Variants in TNR observed in about 807,000 individuals in gnomAD.
The protein encoded by TNR is tenascin-R.
TNR carries 45 observed loss-of-function variants against 150.4 expected under a neutral mutation model. The ratio of observed to expected loss-of-function variants is 0.30; its 90% CI spans 0.24 to 0.38. The LOEUF is 0.38. Ranked by LOEUF, TNR falls within the 10% of genes least tolerant of loss-of-function variation. The pLI, the probability that TNR is intolerant of heterozygous loss-of-function variation, is 1.00. For missense variants in TNR, 1,544 were observed against 1,759.1 expected (o/e 0.88, Z 2.19); for synonymous variants, 687 against 678.4 (o/e 1.01, Z -0.20).
At chr1:175,467,589 G>A (rs1418521242) in intron 2 of TNR, among the ~76,000 whole-genome samples, 1 of 152,166 alleles carries the variant, frequency 6.6e-6, no homozygotes, top group Non-Finnish European at 1.5e-5. Context: ...AGATGGCCAC[G>A]AGTTTTTGGA....
intron 1 of TNR, among the ~76,000 whole-genome samples, chr1:175,638,446 C>T (rs538764498): frequency 2.6e-5 from 4 of 152,294 alleles, no homozygotes; most frequent in Admixed American, 2.0e-4. Context: ...GACTTTCCTT[C>T]GGATGGCTTC....
At chr1:175,720,725 C>A (rs1008846205) in intron 1 of TNR, among the ~76,000 whole-genome samples, 1 of 152,166 alleles carries the variant, frequency 6.6e-6, no homozygotes, top group Non-Finnish European at 1.5e-5. Flanking sequence ...GCATGTCTGC[C>A]TTTTAGGACA....
chr1:175,352,471 G>A (rs148533907), intron 18 of TNR, among the ~76,000 whole-genome samples: 1 of 152,338 alleles, frequency 6.6e-6, no homozygotes, highest in African/African-American at 2.4e-5. Context: ...GGGTCTTTAA[G>A]TGGTAGCGTG....
At chr1:175,497,266 C>T (rs575498711) in intron 2 of TNR, among the ~76,000 whole-genome samples, 3 of 152,188 alleles carry the variant, frequency 2.0e-5, no homozygotes, top group Non-Finnish European at 4.4e-5. Flanking sequence ...GAGCAGAATC[C>T]GCTAACTCTG....
intron 1 of TNR, among the ~76,000 whole-genome samples, chr1:175,568,510 C>T (rs1170204678): frequency 1.3e-5 from 2 of 152,162 alleles, no homozygotes; most frequent in Non-Finnish European, 2.9e-5. Context: ...CTCCCTCCAT[C>T]CATCAGTCCT....
chr1:175,659,643 C>T (rs1665299715), intron 1 of TNR, among the ~76,000 whole-genome samples: 1 of 152,208 alleles, frequency 6.6e-6, no homozygotes, highest in African/African-American at 2.4e-5. Context: ...TCATCAAGCA[C>T]TGCTTCTTCA....
intron 1 of TNR, among the ~76,000 whole-genome samples, chr1:175,695,921 C>A (rs1666500851): frequency 6.6e-6 from 1 of 152,020 alleles, no homozygotes; most frequent in South Asian, 2.1e-4. Context: ...ACAATATAGT[C>A]ATTGAATACA....
chr1:175,482,775 C>T (rs141953721), intron 2 of TNR, among the ~76,000 whole-genome samples: 11 of 152,324 alleles, frequency 7.2e-5, no homozygotes, highest in Non-Finnish European at 1.6e-4. Context: ...GAGCCAAACT[C>T]ACTCAAATTT....
chr1:175,460,368 C>T (rs751252411), intron 2 of TNR, among the ~76,000 whole-genome samples: 1 of 151,954 alleles, frequency 6.6e-6, no homozygotes, highest in Non-Finnish European at 1.5e-5. Flanking sequence ...GAGACATGCA[C>T]GCAAGGCCAC....
At chr1:175,572,535 CATCA>C (rs1233743802) in intron 1 of TNR, among the ~76,000 whole-genome samples, 2 of 152,044 alleles carry the variant, frequency 1.3e-5, no homozygotes, top group Non-Finnish European at 2.9e-5. Flanking sequence ...ATGCGGGTCA[CATCA>C]ATCAGTCAGT....
intron 2 of TNR, among the ~76,000 whole-genome samples, chr1:175,462,314 T>C (rs1246938596): frequency 6.6e-6 from 1 of 152,160 alleles, no homozygotes; most frequent in East Asian, 1.9e-4. Flanking sequence ...AGAAGCAACT[T>C]GAACAATGAA....
intron 2 of TNR, among the ~76,000 whole-genome samples, chr1:175,527,150 G>A (rs987418221): frequency 6.6e-6 from 1 of 152,224 alleles, no homozygotes; most frequent in Non-Finnish European, 1.5e-5. Context: ...CACCTTCCAT[G>A]TCTGCTTGGT....
chr1:175,358,340 C>G (rs1213357374), intron 15 of TNR, among the ~76,000 whole-genome samples: 1 of 152,132 alleles, frequency 6.6e-6, no homozygotes, highest in Non-Finnish European at 1.5e-5. Context: ...TTTTCTGATG[C>G]CTTGCTGAAA....
At chr1:175,656,829 G>C in intron 1 of TNR, among the ~76,000 whole-genome samples, 1 of 152,160 alleles carries the variant, frequency 6.6e-6, no homozygotes, top group African/African-American at 2.4e-5. Context: ...TTGAAGTTTT[G>C]TGTGTGTGGT....
Position 175,599,952 on chromosome 1 carries a change from C to T in TNR, c.-164-71583G>A, listed in dbSNP as rs867279360. Among the ~76,000 whole-genome samples the T allele has an allele frequency of 1.5e-4, 23 of 152,302 alleles. No homozygotes were observed. The highest frequency in any genetic ancestry group is 5.1e-4 in the African/African-American group (21 of 41,566). On this transcript the variant is annotated intron_variant, in intron 1 of 22. Transcript: ENST00000367674. This position sits in a 1 kb window ranked among gnomAD's most constrained non-coding sequence, Gnocchi z 4.7. ...TACAGGAGGGAGGAAAAGAGTGAGC[C>T]ATATGATAGAGTAAAATCCCTTGCA...
chr1:175,417,221 AG>A (rs1654537345), intron 2 of TNR, among the ~76,000 whole-genome samples: 1 of 152,120 alleles, frequency 6.6e-6, no homozygotes, highest in African/African-American at 2.4e-5. Flanking sequence ...AGTGTTTTAA[AG>A]GTGAGCAGAG....
At chr1:175,613,845 A>T (rs1163599962) in intron 1 of TNR, among the ~76,000 whole-genome samples, 1 of 152,196 alleles carries the variant, frequency 6.6e-6, no homozygotes, top group African/African-American at 2.4e-5. Context: ...GATGAACATG[A>T]TGCCGTCTGT....
chr1:175,567,282 T>C (rs192171652), intron 1 of TNR, among the ~76,000 whole-genome samples: 1 of 152,330 alleles, frequency 6.6e-6, no homozygotes, highest in African/African-American at 2.4e-5. Context: ...GTGGCCCATG[T>C]CGAGGCATTT....
chr1:175,459,730 C>A (rs981513223), intron 2 of TNR, among the ~76,000 whole-genome samples: 63 of 152,250 alleles, frequency 4.1e-4, no homozygotes, highest in African/African-American at 1.5e-3. Flanking sequence ...GGGGCTGTTT[C>A]TCTCCCACTC....
Sources: allele counts gnomAD v4.1 joint callset (sites outside exome capture counted in the v4.1 genomes callset), GRCh38; gene constraint gnomAD v4.1.1; non-coding constraint Gnocchi (gnomAD v3.1); transcripts MANE v1.5; gene names NCBI Gene and HGNC (gene_info 2026-07-23, HGNC 2026-07-21).